The following ENTPD1 variants were observed in gnomAD, a reference collection of about 807,000 sequenced individuals.
ENTPD1 encodes the protein ectonucleoside triphosphate diphosphohydrolase 1.
A neutral mutation model predicts 57.0 loss-of-function variants in ENTPD1; 33 were observed. The ratio of observed to expected loss-of-function variants is 0.58; its 90% CI spans 0.44 to 0.77. ENTPD1 has a LOEUF of 0.77. Ranked by LOEUF, ENTPD1 falls within the 30% of genes least tolerant of loss-of-function variation. ENTPD1 has a pLI of 0.00. For missense variants in ENTPD1, 501 were observed against 603.4 expected, an observed-to-expected ratio of 0.83 and a Z score of 1.78; for synonymous variants, 202 against 218.8, an observed-to-expected ratio of 0.92 and a Z score of 0.68.
intron 1 of ENTPD1, among the ~76,000 whole-genome samples, chr10:95,771,287 A>G (rs576156498): frequency 3.3e-5 from 5 of 152,350 alleles, no homozygotes; most frequent in African/African-American, 1.2e-4. Flanking sequence ...TTATTTTTCA[A>G]AAACATTTGC....
At position 95,868,529 on chromosome 10, in the gene ENTPD1, A is replaced by C. The variant is rs773922704; in HGVS notation, c.*2146A>C. On this transcript the variant is annotated 3_prime_UTR_variant, in exon 10 of 10. Transcript: ENST00000371205. ...CCGATGATGATGAAAATAAAGGTCA[A>C]ATAAGTTGAGCCAATAACAGCCGCT... 3.0e-6 allele frequency: 3 copies of C among 985,448 alleles called. No homozygotes were observed. Among genetic ancestry groups the C allele is most frequent in the Non-Finnish European group, 3.6e-6 (3 of 829,948 alleles). The allele number at this position is 985,448 out of a possible 1,614,324, so 61.0% of individuals were successfully genotyped here.
intron 1 of ENTPD1, among the ~76,000 whole-genome samples, chr10:95,806,425 T>C (rs969786165): frequency 1.3e-5 from 2 of 152,200 alleles, no homozygotes; most frequent in Non-Finnish European, 2.9e-5. Flanking sequence ...TTGTGATGGG[T>C]TTGAACATGC....
chr10:95,783,785 T>C (rs2098167067), intron 1 of ENTPD1, among the ~76,000 whole-genome samples: 1 of 150,552 alleles, frequency 6.6e-6, no homozygotes, highest in African/African-American at 2.4e-5. Context: ...GTAGGAAAAA[T>C]ATTTGAATTT....
intron 1 of ENTPD1, among the ~76,000 whole-genome samples, chr10:95,716,333 A>AT (rs1402270995): frequency 6.6e-6 from 1 of 152,104 alleles, no homozygotes; most frequent in African/African-American, 2.4e-5. Flanking sequence ...TCTCCTTTTG[A>AT]TTTTGGTTGC....
At position 95,866,272 on chromosome 10, in the gene ENTPD1, C is replaced by T. The variant is rs746932318; in HGVS notation, c.1422C>T (p.His474=). The T allele has an allele frequency of 4.3e-6, 7 of 1,614,236 alleles. No individual in the cohort carries two copies. In the South Asian group the frequency reaches 6.6e-5, roughly 15 times the overall value. The change falls in exon 10 of 10, where the codon CAC becomes CAT. Residue 474 remains histidine (H), a synonymous_variant. Coordinates refer to ENST00000371205, the MANE Select transcript of ENTPD1 (RefSeq NM_001776.6). ...AEQPLSTPLS[H]STYVFLMVLF... ...AACCATTGTCCACACCTCTCTCCCA[C>T]TCCACCTATGTCTTCCTCATGGTTC...
upstream of ENTPD1, among the ~76,000 whole-genome samples, chr10:95,708,952 A>G (rs911523464): frequency 1.3e-5 from 2 of 152,238 alleles, no homozygotes; most frequent in African/African-American, 4.8e-5. Flanking sequence ...CAATACAATA[A>G]TTACAAATTG....
chr10:95,841,028 T>C (rs2098421338), intron 3 of ENTPD1, among the ~76,000 whole-genome samples: 1 of 152,320 alleles, frequency 6.6e-6, no homozygotes, highest in Admixed American at 6.5e-5. Flanking sequence ...ACTTCTGGCC[T>C]TTCTTAAAGC....
At position 95,711,995 on chromosome 10, in the gene ENTPD1, T is replaced by C. The variant is rs2097966021; in HGVS notation, c.37+2T>C. Reference sequence around the variant, plus strand: ...AGGACCTGACAAGCCAGCAGAAGGGTAAGAAATTCTTACCAGTCAGGCTCC... The same window carrying C: ...AGGACCTGACAAGCCAGCAGAAGGGCAAGAAATTCTTACCAGTCAGGCTCC... On this transcript the variant is annotated splice_donor_variant, in intron 1 of 9. Coordinates refer to the ENTPD1 transcript ENST00000453258. LOFTEE classifies it high-confidence loss of function. The C allele has an allele frequency of 6.2e-7, 1 of 1,613,668 alleles. No homozygotes were observed. The highest frequency in any genetic ancestry group is 1.7e-5 in the Admixed American group (1 of 59,996).
At chr10:95,733,352 T>C (rs1315173923) in intron 1 of ENTPD1, among the ~76,000 whole-genome samples, 3 of 152,212 alleles carry the variant, frequency 2.0e-5, no homozygotes, top group Non-Finnish European at 4.4e-5. Flanking sequence ...TGCCCAGATT[T>C]CATATTGTTT....
intron 9 of ENTPD1, among the ~76,000 whole-genome samples, chr10:95,865,366 G>A (rs1195500231): frequency 2.0e-5 from 3 of 152,228 alleles, no homozygotes; most frequent in Non-Finnish European, 4.4e-5. Flanking sequence ...CCTGAGTCCG[G>A]AAGAAGCAAC....
Position 95,871,541 on chromosome 10 carries a change from C to T in ENTPD1, c.*5158C>T. 1.0e-6 allele frequency: 1 copy of T among 985,396 alleles called. No individual in the cohort carries two copies. The highest frequency in any genetic ancestry group is 1.2e-6 in the Non-Finnish European group (1 of 829,896). 61.0% of individuals were successfully genotyped at this position (985,396 alleles called of 1,614,324 possible). On this transcript the variant is annotated 3_prime_UTR_variant, in exon 10 of 10. Transcript: ENST00000371205. ...CATACAAATCTAATACAACTGAACA[C>T]AATCAGTTTTATCACAGGTATAATG... is the stretch of plus-strand genomic sequence containing the variant.
chr10:95,802,099 T>A (rs2098252124), intron 1 of ENTPD1, among the ~76,000 whole-genome samples: 1 of 152,118 alleles, frequency 6.6e-6, no homozygotes. Flanking sequence ...TACAGCTTGG[T>A]TTTATATATT....
chr10:95,857,778 G>A (rs1024985438), intron 7 of ENTPD1, among the ~76,000 whole-genome samples: 1 of 152,142 alleles, frequency 6.6e-6, no homozygotes, highest in Non-Finnish European at 1.5e-5. Context: ...GAAATTCCGC[G>A]CCTGCCATCA....
At position 95,735,098 on chromosome 10, in the gene ENTPD1, C is replaced by A. The variant is rs1461503828; in HGVS notation, c.37+23105C>A. 2.3e-4 allele frequency among the ~76,000 whole-genome samples: 32 copies of A among 140,282 alleles called. No homozygotes were observed. In the Admixed American group the frequency reaches 2.5e-3, roughly 11 times the overall value. 92.0% of individuals were successfully genotyped at this position (140,282 alleles called of 152,430 possible). A position where few individuals can be genotyped will look rare whatever the true frequency, so the allele number is the denominator to read the frequency against. ...CCAGGCTGGAGTGCAGTGGCACAAT[C>A]TTGGCTCACTGCAGCCTCCACCTCC... On this transcript the variant is annotated intron_variant, in intron 1 of 9. Coordinates refer to the ENTPD1 transcript ENST00000453258.
chr10:95,792,220 C>T (rs555040747), intron 1 of ENTPD1, among the ~76,000 whole-genome samples: 48 of 152,272 alleles, frequency 3.2e-4, no homozygotes, highest in African/African-American at 1.1e-3. Flanking sequence ...AGTGTTAAAA[C>T]CAGGACAATC....
At position 95,829,543 on chromosome 10, in the gene ENTPD1, A is replaced by T. The variant is rs531534112; in HGVS notation, c.144+6179A>T. The stretch of plus-strand genomic sequence containing the variant: ...GAGTAAAAAGTTGGCCAAGATGTAA[A>T]ATGGTCACAAGAGGTATCTGAAGTA... On this transcript the variant is annotated intron_variant, in intron 2 of 9. Transcript: ENST00000371205. Among the ~76,000 whole-genome samples the T allele has an allele frequency of 2.6e-5, 4 of 152,310 alleles. No individual in the cohort carries two copies. In the South Asian group the frequency reaches 8.3e-4, roughly 32 times the overall value.
chr10:95,837,463 G>T (rs1056371362), intron 2 of ENTPD1, among the ~76,000 whole-genome samples: 2 of 152,182 alleles, frequency 1.3e-5, no homozygotes, highest in Non-Finnish European at 2.9e-5. Context: ...CCATTTCTTG[G>T]ATTCCTTTCA....
At chr10:95,708,506 C>T (rs766600190), upstream of ENTPD1, among the ~76,000 whole-genome samples, 6 of 152,222 alleles carry the variant, frequency 3.9e-5, no homozygotes, top group Non-Finnish European at 7.3e-5. Context: ...GCTGCTGCGC[C>T]TGGCCCAGAG....
chr10:95,851,938 T>C (rs2098445999), intron 7 of ENTPD1, among the ~76,000 whole-genome samples: 1 of 152,198 alleles, frequency 6.6e-6, no homozygotes, highest in African/African-American at 2.4e-5. Context: ...CCTTTGGGTA[T>C]ATACCCAGTA....
Sources: allele counts gnomAD v4.1 joint callset (sites outside exome capture counted in the v4.1 genomes callset), GRCh38; gene constraint gnomAD v4.1.1; transcripts MANE v1.5; gene names NCBI Gene and HGNC (gene_info 2026-07-23, HGNC 2026-07-21).